The following KCNAB1 variants were observed in gnomAD, a reference collection of about 807,000 sequenced individuals.
KCNAB1 encodes potassium voltage-gated channel subfamily A regulatory beta subunit 1.
A neutral mutation model predicts 64.6 loss-of-function variants in KCNAB1; 35 were observed. That is an observed-to-expected ratio of 0.54 (90% CI 0.41 to 0.72). The LOEUF is 0.72. Among genes scored for constraint, KCNAB1 ranks in the 30% least tolerant of loss-of-function variants. The probability of loss-of-function intolerance (pLI) is 0.00; values close to 1 mark genes in which losing one functional copy is unlikely to be tolerated. For synonymous variants in KCNAB1, 177 were observed against 183.8 expected, an observed-to-expected ratio of 0.96 and a Z score of 0.30; for missense variants, 401 against 512.9, an observed-to-expected ratio of 0.78 and a Z score of 2.11.
intron 8 of KCNAB1, among the ~76,000 whole-genome samples, chr3:156,507,639 A>T (rs980830219): frequency 6.6e-6 from 1 of 152,214 alleles, no homozygotes; most frequent in Non-Finnish European, 1.5e-5. Context: ...AACCACCACC[A>T]CCACAAGCTT....
chr3:156,143,901 C>CTTTATTTATTTA (rs145502397), intron 1 of KCNAB1, among the ~76,000 whole-genome samples: 42 of 146,816 alleles, frequency 2.9e-4, no homozygotes, highest in African/African-American at 8.9e-4. Flanking sequence ...AATGACAGCA[C>CTTTATTTATTTA]TTTATTTATT....
At chr3:156,161,286 C>T (rs762971112) in intron 1 of KCNAB1, among the ~76,000 whole-genome samples, 1 of 152,162 alleles carries the variant, frequency 6.6e-6, no homozygotes, top group Non-Finnish European at 1.5e-5. Flanking sequence ...ACTGCATCAC[C>T]TCACTGCCTC....
chr3:156,466,900 A>G (rs1713441107), intron 7 of KCNAB1, among the ~76,000 whole-genome samples: 1 of 152,078 alleles, frequency 6.6e-6, no homozygotes, highest in South Asian at 2.1e-4. Flanking sequence ...TTTGCAGTAA[A>G]GAAAAATGTT....
chr3:156,143,569 G>GTTTTTTGTTTTTTTTTTTTTTTTTTTTTT (rs1553807969), intron 1 of KCNAB1: 1 of 281,598 alleles, frequency 3.6e-6, no homozygotes, highest in African/African-American at 2.9e-5. Flanking sequence ...TTGCATTCTT[G>GTTTTTTGTTTTTTTTTTTTTTTTTTTTTT]TTTTTTTTTT....
intron 2 of KCNAB1, among the ~76,000 whole-genome samples, chr3:156,422,612 G>A (rs747575335): frequency 2.6e-5 from 4 of 152,176 alleles, no homozygotes; most frequent in African/African-American, 9.7e-5. Flanking sequence ...TACTAAGTTT[G>A]AGATATCGAT....
chr3:156,344,431 C>T (rs1022102846), intron 1 of KCNAB1, among the ~76,000 whole-genome samples: 3 of 152,178 alleles, frequency 2.0e-5, no homozygotes, highest in Non-Finnish European at 4.4e-5. Context: ...TTAGATGCTG[C>T]GTACCTCCCT....
intron 1 of KCNAB1, among the ~76,000 whole-genome samples, chr3:156,405,379 T>G (rs16826100): frequency 0.03 from 4,616 of 152,316 alleles, 107 homozygotes; most frequent in African/African-American, 0.063. Flanking sequence ...TGTGTCCATC[T>G]TCACAAGGGT....
intron 1 of KCNAB1, among the ~76,000 whole-genome samples, chr3:156,216,334 C>T (rs1715317188): frequency 6.6e-6 from 1 of 152,210 alleles, no homozygotes; most frequent in African/African-American, 2.4e-5. Context: ...GTAAGAACTA[C>T]TGGCTGCTGC....
intron 8 of KCNAB1, among the ~76,000 whole-genome samples, chr3:156,480,869 T>C (rs1310976586): frequency 1.3e-5 from 2 of 152,078 alleles, no homozygotes; most frequent in Non-Finnish European, 2.9e-5. Flanking sequence ...CGCAGACACA[T>C]AGTAGGTGCT....
At chr3:156,322,029 T>G (rs1022533387) in intron 1 of KCNAB1, among the ~76,000 whole-genome samples, 1 of 152,184 alleles carries the variant, frequency 6.6e-6, no homozygotes, top group African/African-American at 2.4e-5. Context: ...TGCTGAACAC[T>G]AGGTGAAGTA....
intron 1 of KCNAB1, among the ~76,000 whole-genome samples, chr3:156,330,083 TA>T (rs918317863): frequency 1.4e-3 from 211 of 152,260 alleles, no homozygotes; most frequent in South Asian, 2.9e-3. Context: ...GAAAAAAATT[TA>T]AAACTTGTTT....
chr3:156,145,834 G>A (rs907749748), intron 1 of KCNAB1, among the ~76,000 whole-genome samples: 12 of 152,046 alleles, frequency 7.9e-5, no homozygotes, highest in African/African-American at 2.9e-4. Context: ...CTGTCCATCA[G>A]TCTAAGTGGG....
rs116811420 is a variant in KCNAB1 at position 156,192,581 on chromosome 3, G to A, written c.275+71695G>A. On this transcript the variant is annotated intron_variant, in intron 1 of 13. Transcript: ENST00000490337. Reference sequence around the variant, plus strand: ...TTGTTTAATTAAATATTAAAAGAGGGGTGTTGAGTTCTCCAAATGTGATGA... The same window carrying A: ...TTGTTTAATTAAATATTAAAAGAGGAGTGTTGAGTTCTCCAAATGTGATGA... 6.0e-3 allele frequency among the ~76,000 whole-genome samples: 912 copies of A among 152,090 alleles called. 10 individuals carry two copies. Among genetic ancestry groups the A allele is most frequent in the African/African-American group, 0.021 (870 of 41,478 alleles).
Position 156,337,405 on chromosome 3 carries a change from C to G in KCNAB1, c.276-84211C>G, listed in dbSNP as rs113347875. ...TTTTCCCCCCACTGTCTTCTTTTTTCCTTTCTGTATCTTCCTCCTCATTCC... is the reference window on the plus strand; with the variant it reads ...TTTTCCCCCCACTGTCTTCTTTTTTGCTTTCTGTATCTTCCTCCTCATTCC... On this transcript the variant is annotated intron_variant, in intron 1 of 13. Coordinates refer to ENST00000490337, the MANE Select transcript of KCNAB1 (RefSeq NM_172160.3). Among the ~76,000 whole-genome samples the G allele has an allele frequency of 1.1e-3, 171 of 152,074 alleles. 1 individual carries two copies. The highest frequency in any genetic ancestry group is 4.0e-3 in the African/African-American group (167 of 41,504).
intron 8 of KCNAB1, among the ~76,000 whole-genome samples, chr3:156,512,148 T>G (rs145577194): frequency 4.0e-4 from 61 of 152,360 alleles, no homozygotes; most frequent in African/African-American, 1.4e-3. Flanking sequence ...GACTTACTTG[T>G]TTACCCCTCC....
intron 1 of KCNAB1, among the ~76,000 whole-genome samples, chr3:156,197,517 C>T (rs1714032569): frequency 1.3e-5 from 2 of 152,158 alleles, no homozygotes; most frequent in South Asian, 4.1e-4. Flanking sequence ...GATTTGACTT[C>T]TTCCTGGTTT....
intron 1 of KCNAB1, among the ~76,000 whole-genome samples, chr3:156,233,646 G>C (rs551450578): frequency 5.9e-5 from 9 of 152,268 alleles, no homozygotes; most frequent in Non-Finnish European, 4.4e-5. Context: ...AAGCAGAAAG[G>C]CCTGTTAGAA....
rs776375637 is a variant in KCNAB1 at position 156,353,179 on chromosome 3, G to A, written c.276-68437G>A. ...CAGTGACAGTTCTTCATTAGCAGCC[G>A]ACTGTTAATCCACAGCTTTCTATCA... On this transcript the variant is annotated intron_variant, in intron 1 of 13. Transcript: ENST00000490337. Among the ~76,000 whole-genome samples the A allele has an allele frequency of 2.6e-5, 4 of 152,208 alleles. No homozygotes were observed. In the South Asian group the frequency reaches 6.2e-4, roughly 24 times the overall value.
At chr3:156,275,308 A>G (rs1338101383) in intron 1 of KCNAB1, among the ~76,000 whole-genome samples, 1 of 152,246 alleles carries the variant, frequency 6.6e-6, no homozygotes, top group East Asian at 1.9e-4. Flanking sequence ...ATTGCTAAAA[A>G]AGTGCTAATG....
Sources: allele counts gnomAD v4.1 joint callset (sites outside exome capture counted in the v4.1 genomes callset), GRCh38; gene constraint gnomAD v4.1.1; transcripts MANE v1.5; gene names NCBI Gene and HGNC (gene_info 2026-07-23, HGNC 2026-07-21).